LAMA5: variants seen among roughly 807,000 people sequenced by gnomAD.
LAMA5 encodes laminin subunit alpha 5, also known as laminin subunit alpha-5.
In LAMA5, 260 loss-of-function variants were observed where a neutral mutation model predicts 433.4. The ratio of observed to expected loss-of-function variants is 0.60; its 90% confidence interval spans 0.54 to 0.66. The LOEUF (loss-of-function observed/expected upper bound fraction) is 0.66. Ranked by LOEUF, LAMA5 falls within the 30% of genes least tolerant of loss-of-function variation. The pLI, the probability that LAMA5 is intolerant of heterozygous loss-of-function variation, is 0.00. For synonymous variants in LAMA5, 2,620 were observed against 2,226.6 expected (o/e 1.18, Z -4.97); for missense variants, 5,378 against 5,258.5 (o/e 1.02, Z -0.70).
intron 2 of LAMA5, among the ~76,000 whole-genome samples, chr20:62,360,912 GGTCCGAGTGTCA>G (rs2146362010): frequency 6.6e-6 from 1 of 152,204 alleles, no homozygotes; most frequent in African/African-American, 2.4e-5. Flanking sequence ...CAGGCTCGTG[GGTCCGAGTGTCA>G]GTCCCGGCTT....
chr20:62,336,121 C>T (rs563069024), intron 18 of LAMA5, among the ~76,000 whole-genome samples: 2 of 143,864 alleles, frequency 1.4e-5, no homozygotes, highest in African/African-American at 5.2e-5. Context: ...AGGGCACACT[C>T]GCAGCCCCCC....
At chr20:62,327,032 GTGGTCTGGGCACCCCCAGCACAGAGCCC>G in intron 38 of LAMA5, 66 bp from the exon 39 acceptor site, 1 of 1,270,466 alleles carries the variant, frequency 7.9e-7, no homozygotes, top group Non-Finnish European at 1.1e-6. Flanking sequence ...CCCGTCAGCA[GTGGTCTGGGCACCCCCAGCACAGAGCCC>G]TGTGCTGGGC....
intron 5 of LAMA5, 33 bp downstream of exon 5, chr20:62,351,875 TC>T: frequency 6.4e-7 from 1 of 1,574,358 alleles, no homozygotes; most frequent in Non-Finnish European, 8.6e-7. Context: ...ACCCGGCCAG[TC>T]CCCCTCCCCC....
chr20:62,336,516 A>C, intron 17 of LAMA5, 71 bp from the exon 18 acceptor site: 1 of 1,375,690 alleles, frequency 7.3e-7, no homozygotes, highest in Non-Finnish European at 1.0e-6. Context: ...AGAGCCATAG[A>C]GCCCTGACAA....
chr20:62,323,661 G>C lies in LAMA5; in HGVS notation c.5859C>G (p.Pro1953=). 6.2e-7 allele frequency: 1 copy of C among 1,608,278 alleles called. No individual in the cohort carries two copies. The highest frequency in any genetic ancestry group is 8.5e-7 in the Non-Finnish European group (1 of 1,177,636). ...GCACCAGTGGGTTCCCAAAGAATCC[G>C]GGCGCACACCTGGGAGCAGGGTGGG... The part of the protein sequence containing the change: ...YAGASCERCA[P]GFFGNPLVLG... The change falls in exon 45 of 80, where the codon CCC becomes CCG. Residue 1953 remains proline (P), a synonymous_variant. Transcript: ENST00000252999.
chr20:62,330,476 C>T lies in LAMA5; in HGVS notation c.3979+12G>A. ...TGTGGTAGCCTCTCCACCCCCCACA[C>T]CAGACACTCACCCTGCCACACGCGG... On this transcript the variant is annotated intron_variant, in intron 31 of 79. Coordinates refer to ENST00000252999, the MANE Select transcript of LAMA5 (RefSeq NM_005560.6). 1 of 1,536,560 alleles carries T rather than the reference C, an allele frequency of 6.5e-7. No homozygotes were observed.
At chr20:62,327,015 C>A (rs1250166574) in intron 38 of LAMA5, 49 bp from the exon 39 acceptor site, 2 of 1,395,232 alleles carry the variant, frequency 1.4e-6, no homozygotes, top group African/African-American at 1.4e-5. Flanking sequence ...TGGCCACAGG[C>A]TCAGAGCCCG....
Position 62,311,608 on chromosome 20 carries a change from G to A in LAMA5, c.9806+6C>T. 2 of 1,606,510 alleles carry A rather than the reference G, an allele frequency of 1.2e-6. No individual in the cohort carries two copies. Among genetic ancestry groups the A allele is most frequent in the African/African-American group, 1.3e-5 (1 of 74,956 alleles). ...GACCTTGTCCCCCAGCGCCCACCAG[G>A]CTCACCGCTGCACGAAGACGTTGCT... On this transcript the variant is annotated splice_donor_region_variant and intron_variant, in intron 71 of 79. Coordinates refer to ENST00000252999, the MANE Select transcript of LAMA5 (RefSeq NM_005560.6).
At chr20:62,366,024 T>C (rs1282678674) in intron 1 of LAMA5, among the ~76,000 whole-genome samples, 2 of 152,160 alleles carry the variant, frequency 1.3e-5, no homozygotes, top group East Asian at 1.9e-4. Context: ...CAGCCTCTCC[T>C]TCCGGGAAGG....
chr20:62,338,683 CT>C, intron 11 of LAMA5, 75 bp from the exon 12 acceptor site: 1 of 1,405,200 alleles, frequency 7.1e-7, no homozygotes, highest in Non-Finnish European at 9.6e-7. Flanking sequence ...CAAACCTTCC[CT>C]CTCCACAAAC....
At chr20:62,316,121 C>T in intron 57 of LAMA5, 63 bp from the exon 58 acceptor site, 1 of 1,138,680 alleles carries the variant, frequency 8.8e-7, no homozygotes, top group Admixed American at 2.0e-5. Flanking sequence ...TGCAGCCCAC[C>T]TCCACCCTTC....
chr20:62,346,528 G>A lies in LAMA5; in HGVS notation c.1260C>T (p.Leu420=), dbSNP rs1359586122. The A allele has an allele frequency of 8.4e-6, 13 of 1,552,982 alleles. No individual in the cohort carries two copies. The highest frequency in any genetic ancestry group is 2.0e-5 in the Admixed American group (1 of 51,168). The change falls in exon 9 of 80, where the codon CTC becomes CTT. Residue 420 remains leucine, a synonymous_variant. Coordinates refer to ENST00000252999, the MANE Select transcript of LAMA5 (RefSeq NM_005560.6). ...PGFYRSPNHP[L]DSPHVCRRCN... is the part of the protein sequence containing the mutation. ...CACGGCGGCAGACGTGGGGCGAGTC[G>A]AGAGGGTGGTTGGGAGAGCGGTAGA... is the stretch of plus-strand genomic sequence containing the variant.
Position 62,353,181 on chromosome 20 carries a change from C to T in LAMA5, c.521G>A (p.Arg174Gln), listed in dbSNP as rs1215946403. ...GTAGGTGCGGCCGAAGTCCATGGAC[C>T]GCTCCAGCACCCAGAGGTCCGGCCG... is the stretch of plus-strand genomic sequence containing the variant. Reference protein sequence around the residue: ...SPRPDLWVLERSMDFGRTYQP... With the variant: ...SPRPDLWVLEQSMDFGRTYQP... The change falls in exon 3 of 80, where the codon CGG (arginine) becomes CAG (glutamine). Residue 174 changes from arginine (R) to glutamine (Q), a missense_variant. Physicochemically the swap from Arg to Gln is conservative, Grantham distance 43. Transcript: ENST00000252999. The T allele has an allele frequency of 3.2e-6, 5 of 1,583,282 alleles. No individual in the cohort carries two copies. The highest frequency in any genetic ancestry group is 1.8e-5 in the Admixed American group (1 of 55,926).
At position 62,310,249 on chromosome 20, in the gene LAMA5, T is replaced by TG; in HGVS notation, c.10662dup (p.Thr3555HisfsTer31). The TG allele has an allele frequency of 6.2e-7, 1 of 1,612,332 alleles. No homozygotes were observed. Among genetic ancestry groups the TG allele is most frequent in the Non-Finnish European group, 8.5e-7 (1 of 1,179,828 alleles). Reference sequence around the variant, plus strand: ...TGGCCCAAGTGGAAGATCAGTCCGGTGACTGCCAGGGGCCGCACCTCCAGT... The same window carrying TG: ...TGGCCCAAGTGGAAGATCAGTCCGGTGGACTGCCAGGGGCCGCACCTCCAGT... On this transcript the variant is annotated frameshift_variant, in exon 77 of 80. Coordinates refer to ENST00000252999, the MANE Select transcript of LAMA5 (RefSeq NM_005560.6). LOFTEE classifies it high-confidence loss of function.
In LAMA5 at chr20:62,317,356, G is replaced by A. The variant is rs1480116249; in HGVS notation, c.7500C>T (p.Leu2500=). The A allele has an allele frequency of 6.2e-7, 1 of 1,607,858 alleles. No homozygotes were observed. The highest frequency in any genetic ancestry group is 1.7e-5 in the Admixed American group (1 of 59,672). The change falls in exon 55 of 80, where the codon CTC becomes CTT. Residue 2500 remains leucine, a synonymous_variant. Coordinates refer to ENST00000252999, the MANE Select transcript of LAMA5 (RefSeq NM_005560.6). ...AHAQQLGQLA[L]NLSSIILDVN... ...TCCTGGCCACCCACCTGGACAGATTGAGTGCCAGCTGGCCCAGCTGCTGTG... is the reference window on the plus strand; with the variant it reads ...TCCTGGCCACCCACCTGGACAGATTAAGTGCCAGCTGGCCCAGCTGCTGTG...
rs1986835247 is a variant in LAMA5 at position 62,367,194 on chromosome 20, C to T, written c.52G>A (p.Gly18Ser). The stretch of plus-strand genomic sequence containing the variant: ...CCGACCAGCAGCAGCGGCGCGGGGC[C>T]CCGGGGGCCGCGAACACACAGTGCG... ...GSALCVRGPR[G>S]PAPLLLVGLA... The change falls in exon 1 of 80, where the codon GGC (glycine) becomes AGC (serine). Residue 18 changes from glycine (G) to serine (S), a missense_variant. Physicochemically the swap from Gly to Ser is moderately conservative, Grantham distance 56 (BLOSUM62 0). Transcript: ENST00000252999. The T allele has an allele frequency of 4.1e-6, 5 of 1,222,606 alleles. No individual in the cohort carries two copies. The highest frequency in any genetic ancestry group is 5.1e-6 in the Non-Finnish European group (5 of 983,888). The allele number at this position is 1,222,606 out of a possible 1,614,324, so 75.7% of individuals were successfully genotyped here.
Position 62,323,499 on chromosome 20 carries a change from G to A in LAMA5, c.6021C>T (p.Ala2007=), listed in dbSNP as rs1978700460. The A allele has an allele frequency of 6.4e-7, 1 of 1,559,270 alleles. No individual in the cohort carries two copies. The part of the protein sequence containing the change: ...HTTGPRCEIC[A]PGFYGNALLP... ...GCAGGGCGTTGCCGTAGAAGCCGGG[G>A]GCACAGATCTCGCAGCGGGGCCCAG... Residue 2007 remains alanine (A), a synonymous_variant, in exon 45 of 80, where the codon GCC becomes GCT. Coordinates refer to ENST00000252999, the MANE Select transcript of LAMA5 (RefSeq NM_005560.6).
intron 3 of LAMA5, 95 bp from the exon 4 acceptor site, chr20:62,352,455 C>A: frequency 2.2e-6 from 2 of 898,328 alleles, no homozygotes; most frequent in Non-Finnish European, 1.7e-6. Flanking sequence ...GGCCTTGCCA[C>A]TGAGGCTCCC....
intron 46 of LAMA5, 76 bp downstream of exon 46, chr20:62,322,582 C>A: frequency 7.0e-7 from 1 of 1,423,370 alleles, no homozygotes; most frequent in South Asian, 1.3e-5. Context: ...TCAGCCCCAC[C>A]TATCAGATTC....
Sources: allele counts gnomAD v4.1 joint callset (sites outside exome capture counted in the v4.1 genomes callset), GRCh38; gene constraint gnomAD v4.1.1; transcripts MANE v1.5; gene names NCBI Gene and HGNC (gene_info 2026-07-23, HGNC 2026-07-21).